ZC4H2: variants seen among roughly 807,000 people sequenced by gnomAD.
The protein encoded by ZC4H2 is zinc finger C4H2-type containing.
For synonymous variants in ZC4H2, 84 were observed against 66.3 expected (o/e 1.27, Z -1.30); for missense variants, 137 against 173.9 (o/e 0.79, Z 1.19).
intron 1 of ZC4H2, among the ~76,000 whole-genome samples, chrX:64,929,471 C>A (rs1431048538): frequency 9.0e-6 from 1 of 111,601 alleles, no homozygotes; most frequent in Non-Finnish European, 1.9e-5. Flanking sequence ...TTTCCCAATG[C>A]TACCTTCTAG....
intron 1 of ZC4H2, among the ~76,000 whole-genome samples, chrX:64,949,889 G>C (rs1158471209): frequency 9.0e-6 from 1 of 111,307 alleles, no homozygotes; most frequent in East Asian, 2.8e-4. Flanking sequence ...CCTTCTGCTA[G>C]CTTTTGAATG....
At chrX:64,945,560 AG>A (rs1930490294) in intron 1 of ZC4H2, among the ~76,000 whole-genome samples, 1 of 111,770 alleles carries the variant, frequency 8.9e-6, no homozygotes, top group Non-Finnish European at 1.9e-5. Flanking sequence ...CATAGGCGTC[AG>A]GGACCCACTT....
In ZC4H2 at chrX:64,917,905, G is replaced by A; in HGVS notation, c.562-9C>T. 8.3e-7 allele frequency: 1 copy of A among 1,200,795 alleles called. No homozygotes were observed. Among genetic ancestry groups the A allele is most frequent in the Non-Finnish European group, 1.1e-6 (1 of 890,070 alleles). On this transcript the variant is annotated splice_polypyrimidine_tract_variant and intron_variant, in intron 4 of 4. Coordinates refer to ENST00000374839, the MANE Select transcript of ZC4H2 (RefSeq NM_018684.4). ...TGACATGACAAGCAGGCCTGGTGAG[G>A]GACACAGGAAAAAGAAAGTTAGTAG...
intron 1 of ZC4H2, among the ~76,000 whole-genome samples, chrX:65,015,438 A>T (rs1262455862): frequency 8.9e-6 from 1 of 112,340 alleles, no homozygotes; most frequent in Non-Finnish European, 1.9e-5. Flanking sequence ...GTTCCATGCA[A>T]TGATGGGTAT....
intron 1 of ZC4H2, among the ~76,000 whole-genome samples, chrX:64,927,836 T>C (rs766629441): frequency 9.8e-5 from 11 of 112,531 alleles, no homozygotes; most frequent in Admixed American, 1.9e-4. Context: ...TGGTGTGAGA[T>C]AGTATCTCAT....
intron 1 of ZC4H2, among the ~76,000 whole-genome samples, chrX:64,967,153 G>T (rs761721500): frequency 9.0e-6 from 1 of 111,316 alleles, no homozygotes; most frequent in South Asian, 3.8e-4. Context: ...GAGCTTAATG[G>T]CTTAATAATA....
chrX:64,956,378 G>A (rs960188213), intron 1 of ZC4H2, among the ~76,000 whole-genome samples: 1 of 111,195 alleles, frequency 9.0e-6, no homozygotes, highest in Non-Finnish European at 1.9e-5. Flanking sequence ...CATAATAGTA[G>A]TCTCCCTTGT....
chrX:64,958,371 A>G (rs1253566719), intron 1 of ZC4H2, among the ~76,000 whole-genome samples: 1 of 110,609 alleles, frequency 9.0e-6, no homozygotes, highest in African/African-American at 3.4e-5. Flanking sequence ...TATATGGCAC[A>G]TGCCTGTATA....
chrX:64,948,289 G>A (rs1347872490), intron 1 of ZC4H2, among the ~76,000 whole-genome samples: 1 of 111,654 alleles, frequency 9.0e-6, no homozygotes, highest in Non-Finnish European at 1.9e-5. Flanking sequence ...CTTGGATCCA[G>A]TTAGAGGGCT....
intron 1 of ZC4H2, among the ~76,000 whole-genome samples, chrX:65,032,586 A>G (rs2147299253): frequency 9.0e-6 from 1 of 111,604 alleles, no homozygotes; most frequent in African/African-American, 3.3e-5. Context: ...CCAATCTGAT[A>G]CTTCTACTTA....
At chrX:65,023,098 C>T (rs1018444069) in intron 1 of ZC4H2, among the ~76,000 whole-genome samples, 17 of 111,473 alleles carry the variant, frequency 1.5e-4, no homozygotes, top group African/African-American at 4.9e-4. Context: ...AGCATAATGC[C>T]TCCAGTTTTG....
chrX:64,935,885 C>T (rs1478919465), intron 1 of ZC4H2, among the ~76,000 whole-genome samples: 1 of 111,364 alleles, frequency 9.0e-6, no homozygotes, highest in African/African-American at 3.3e-5. Context: ...ATCACAACTC[C>T]TCATCAGCAA....
chrX:64,928,270 T>A (rs1024492672), intron 1 of ZC4H2, among the ~76,000 whole-genome samples: 5 of 112,281 alleles, frequency 4.5e-5, no homozygotes, highest in African/African-American at 1.3e-4. Context: ...TACATTTAAG[T>A]CTGTAATCAA....
chrX:64,924,879 G>A (rs1929362935), intron 1 of ZC4H2, among the ~76,000 whole-genome samples: 1 of 111,262 alleles, frequency 9.0e-6, no homozygotes, highest in Middle Eastern at 4.7e-3. Flanking sequence ...AATGGGACGA[G>A]TTGGGACTTT....
At chrX:64,963,049 A>G (rs1355857555) in intron 1 of ZC4H2, among the ~76,000 whole-genome samples, 1 of 111,070 alleles carries the variant, frequency 9.0e-6, no homozygotes, top group Non-Finnish European at 1.9e-5. Flanking sequence ...ACAAAGCTGC[A>G]GTAATTAAAA....
chrX:64,918,125 G>T, intron 4 of ZC4H2: 1 of 323,234 alleles, frequency 3.1e-6, no homozygotes, highest in Admixed American at 5.2e-5. Context: ...TAGAAAGTAA[G>T]GCAAAATGAG....
In ZC4H2 at chrX:65,026,096, G is replaced by A. The variant is rs191948092; in HGVS notation, c.-272+8533C>T. ...AATAGGAATGGAAGGACCACGAATGGGCATGAGACCTATTTGCAAATATCA... is the reference window on the plus strand; with the variant it reads ...AATAGGAATGGAAGGACCACGAATGAGCATGAGACCTATTTGCAAATATCA... On this transcript the variant is annotated intron_variant, in intron 1 of 4. Transcript: ENST00000337990. 8.9e-5 allele frequency among the ~76,000 whole-genome samples: 10 copies of A among 111,738 alleles called. No individual in the cohort carries two copies. In the Admixed American group the frequency reaches 9.5e-4, roughly 11 times the overall value.
intron 1 of ZC4H2, among the ~76,000 whole-genome samples, chrX:64,955,993 C>A (rs760659066): frequency 9.0e-6 from 1 of 111,663 alleles, no homozygotes; most frequent in South Asian, 3.7e-4. Context: ...TTTGTTAGAT[C>A]TTTCTTCCTT....
intron 1 of ZC4H2, among the ~76,000 whole-genome samples, chrX:64,944,280 A>G (rs1167219283): frequency 1.8e-5 from 2 of 108,398 alleles, no homozygotes; most frequent in African/African-American, 6.7e-5. Context: ...AGCTGGGACT[A>G]CAGGTGCCTG....
Sources: allele counts gnomAD v4.1 joint callset (sites outside exome capture counted in the v4.1 genomes callset), GRCh38; gene constraint gnomAD v4.1.1; transcripts MANE v1.5; gene names NCBI Gene and HGNC (gene_info 2026-07-23, HGNC 2026-07-21).